LPIN2: variants seen among roughly 807,000 people sequenced by gnomAD.
The protein encoded by LPIN2 is lipin 2.
A neutral mutation model predicts 111.4 loss-of-function variants in LPIN2; 55 were observed. The ratio of observed to expected loss-of-function variants is 0.49; its 90% CI spans 0.40 to 0.62. The LOEUF (loss-of-function observed/expected upper bound fraction) is 0.62. Ranked by LOEUF, LPIN2 falls within the 20% of genes least tolerant of loss-of-function variation. The probability of loss-of-function intolerance (pLI) is 0.00; values close to 1 mark genes in which losing one functional copy is unlikely to be tolerated. For synonymous variants in LPIN2, 425 were observed against 414.0 expected (o/e 1.03, Z -0.32); for missense variants, 992 against 1,112.1 (o/e 0.89, Z 1.54).
Position 2,925,431 on chromosome 18 carries a change from A to G in LPIN2, c.1794-63T>C. On this transcript the variant is annotated intron_variant, in intron 13 of 19. Coordinates refer to ENST00000677752, the MANE Select transcript of LPIN2 (RefSeq NM_001375808.2). The surrounding 1 kb of genome is among the most constrained non-coding windows in gnomAD (Gnocchi z 4.1). Reference sequence around the variant, plus strand: ...GGCATTTTATTGATGAGAGCTTTTCATTTAGGATCAAGAAAATAAAGATAT... The same window carrying G: ...GGCATTTTATTGATGAGAGCTTTTCGTTTAGGATCAAGAAAATAAAGATAT... 1 of 1,603,382 alleles carries G rather than the reference A, an allele frequency of 6.2e-7. No individual in the cohort carries two copies. The highest frequency in any genetic ancestry group is 8.5e-7 in the Non-Finnish European group (1 of 1,171,398).
chr18:2,928,991 AAG>A, intron 10 of LPIN2, 72 bp downstream of exon 10: 1 of 964,188 alleles, frequency 1.0e-6, no homozygotes, highest in East Asian at 2.4e-5. Context: ...ACACTTTTAT[AAG>A]TAACAGTTAA....
Position 2,984,053 on chromosome 18 carries a change from A to T in LPIN2, c.-9-23204T>A, listed in dbSNP as rs189270256. On this transcript the variant is annotated intron_variant, in intron 1 of 19. Coordinates refer to ENST00000677752, the MANE Select transcript of LPIN2 (RefSeq NM_001375808.2). Reference sequence around the variant, plus strand: ...TCCACATCCATTTAACCTTCACATTAAACCCTTTTCTCTGCATCTAAACTT... The same window carrying T: ...TCCACATCCATTTAACCTTCACATTTAACCCTTTTCTCTGCATCTAAACTT... Among the ~76,000 whole-genome samples, 87 of 152,360 alleles carry T rather than the reference A, an allele frequency of 5.7e-4. 1 individual carries two copies. The East Asian group carries it at 0.014, about 25-fold the overall frequency.
At chr18:2,958,320 A>G (rs1399383509) in intron 2 of LPIN2, among the ~76,000 whole-genome samples, 1 of 152,046 alleles carries the variant, frequency 6.6e-6, no homozygotes, top group Non-Finnish European at 1.5e-5. Context: ...CTGTTCTACC[A>G]AACAATTACG....
chr18:2,986,252 T>C (rs561610525), intron 1 of LPIN2, among the ~76,000 whole-genome samples: 2 of 152,350 alleles, frequency 1.3e-5, no homozygotes, highest in East Asian at 1.9e-4. Context: ...TAACTGCTCA[T>C]TGGGTAATGG....
chr18:2,966,772 G>C (rs1252302594), intron 1 of LPIN2, among the ~76,000 whole-genome samples: 1 of 152,090 alleles, frequency 6.6e-6, no homozygotes, highest in Non-Finnish European at 1.5e-5. Flanking sequence ...TAACCCTCCC[G>C]CTGGACCATG....
At chr18:2,923,744 C>T in intron 16 of LPIN2, 31 bp downstream of exon 16, 1 of 1,574,856 alleles carries the variant, frequency 6.3e-7, no homozygotes, top group Non-Finnish European at 8.7e-7. Flanking sequence ...TCCAGCTCAC[C>T]AGAGCGAGTT....
intron 1 of LPIN2, among the ~76,000 whole-genome samples, chr18:2,981,334 T>G (rs2078107280): frequency 6.6e-6 from 1 of 152,172 alleles, no homozygotes; most frequent in South Asian, 2.1e-4. Context: ...TCCCAAACGT[T>G]AGCATTAAGA....
chr18:2,963,612 A>C (rs1033857627), intron 1 of LPIN2, among the ~76,000 whole-genome samples: 17 of 152,042 alleles, frequency 1.1e-4, no homozygotes, highest in Non-Finnish European at 2.1e-4. Context: ...GAAAGAAACA[A>C]ACAAGAAGTC....
At chr18:2,938,145 T>C (rs2077316960) in intron 6 of LPIN2, 108 bp from the exon 7 acceptor site, 7 of 823,642 alleles carry the variant, frequency 8.5e-6, no homozygotes. Flanking sequence ...AACACATTCA[T>C]TAAGTATCTT....
chr18:2,958,161 C>CAAAAAAAAAAAAAAAAA (rs1017981496), intron 2 of LPIN2, among the ~76,000 whole-genome samples: 1 of 44,712 alleles, frequency 2.2e-5, no homozygotes, highest in African/African-American at 7.5e-5. Flanking sequence ...AAAAAAACAA[C>CAAAAAAAAAAAAAAAAA]AAAAAAAAAA....
chr18:2,921,081 G>A (rs1001544364), intron 18 of LPIN2, 200 bp from the exon 19 acceptor site: 2 of 628,830 alleles, frequency 3.2e-6, no homozygotes, highest in African/African-American at 3.6e-5. Context: ...GAAAACTTGG[G>A]CAGCCACCAA....
intron 7 of LPIN2, 72 bp from the exon 8 acceptor site, chr18:2,934,522 T>C: frequency 1.1e-6 from 1 of 949,590 alleles, no homozygotes. Flanking sequence ...CACACGCACG[T>C]TTGCAAACAG....
Position 2,938,052 on chromosome 18 carries a change from T to C in LPIN2, c.823-15A>G, listed in dbSNP as rs1466646398. 1.9e-6 allele frequency: 3 copies of C among 1,596,182 alleles called. No homozygotes were observed. Among genetic ancestry groups the C allele is most frequent in the South Asian group, 1.1e-5 (1 of 90,734 alleles). On this transcript the variant is annotated splice_polypyrimidine_tract_variant and intron_variant, in intron 6 of 19. Coordinates refer to ENST00000677752, the MANE Select transcript of LPIN2 (RefSeq NM_001375808.2). ...CTTTTGCTGACCTAAAAAAGTTAAA[T>C]TGTTTAAAAATTAAACTACTTTCAG... is the stretch of plus-strand genomic sequence containing the variant.
In LPIN2 at chr18:2,946,190, T is replaced by C. The variant is rs141092173; in HGVS notation, c.590+4865A>G. On this transcript the variant is annotated intron_variant, in intron 4 of 19. Transcript: ENST00000677752. ...GGAGGCAGATATTTTTAATTCCAAA[T>C]TTGTCATTGGTTCATCTGGGCTTGG... The C allele has an allele frequency of 4.5e-3, 7,312 of 1,609,700 alleles. 291 individuals are homozygous for C. In the African/African-American group the frequency reaches 0.087, roughly 19 times the overall value.
Position 2,918,918 on chromosome 18 carries a change from C to G in LPIN2, c.*1375G>C, listed in dbSNP as rs2077008518. ...CAAGCCTGTATCTGCAGATCCCTCT[C>G]TGCTCAGGAACCACCACGTCCTGTG... On this transcript the variant is annotated 3_prime_UTR_variant, in exon 20 of 20. Transcript: ENST00000677752. The G allele has an allele frequency of 1.3e-5, 2 of 152,238 alleles. No individual in the cohort carries two copies. Among genetic ancestry groups the G allele is most frequent in the African/African-American group, 2.4e-5 (1 of 41,458 alleles). 9.4% of individuals were successfully genotyped at this position (152,238 alleles called of 1,614,324 possible). A position where few individuals can be genotyped will look rare whatever the true frequency, so the allele number is the denominator to read the frequency against.
intron 4 of LPIN2, among the ~76,000 whole-genome samples, chr18:2,945,319 T>C (rs1333780741): frequency 6.6e-6 from 1 of 152,220 alleles, no homozygotes; most frequent in Non-Finnish European, 1.5e-5. Flanking sequence ...GACACAACTA[T>C]GGTTCCTACC....
intron 1 of LPIN2, among the ~76,000 whole-genome samples, chr18:2,965,954 G>C (rs2077795603): frequency 1.3e-5 from 2 of 152,066 alleles, no homozygotes; most frequent in Non-Finnish European, 1.5e-5. Flanking sequence ...TTTTCATTTT[G>C]AGACAGGGTT....
At chr18:2,952,358 AG>A (rs1234931769) in intron 3 of LPIN2, among the ~76,000 whole-genome samples, 11 of 152,122 alleles carry the variant, frequency 7.2e-5, no homozygotes, top group Admixed American at 1.3e-4. Context: ...CCTGAGGGGG[AG>A]GTTGTAGTGA....
At position 2,958,151 on chromosome 18, in the gene LPIN2, AAAAAAACAAC is replaced by A. The variant is rs1310487073; in HGVS notation, c.192+2488_192+2497del. 1.7e-3 allele frequency among the ~76,000 whole-genome samples: 211 copies of A among 121,290 alleles called. 30 individuals carry two copies. Among genetic ancestry groups the A allele is most frequent in the South Asian group, 3.5e-3 (13 of 3,716 alleles). 79.6% of individuals were successfully genotyped at this position (121,290 alleles called of 152,430 possible). A position where few individuals can be genotyped will look rare whatever the true frequency, so the allele number is the denominator to read the frequency against. ...AGCGAGACTCCATCTCAAAAAAAAA[AAAAAAACAAC>A]AAAAAAAAAAAACAGAAAAAAGAAA... On this transcript the variant is annotated intron_variant, in intron 2 of 19. Coordinates refer to ENST00000677752, the MANE Select transcript of LPIN2 (RefSeq NM_001375808.2).
Sources: allele counts gnomAD v4.1 joint callset (sites outside exome capture counted in the v4.1 genomes callset), GRCh38; gene constraint gnomAD v4.1.1; non-coding constraint Gnocchi (gnomAD v3.1); transcripts MANE v1.5; gene names NCBI Gene and HGNC (gene_info 2026-07-23, HGNC 2026-07-21).